SOX5: variants seen among roughly 807,000 people sequenced by gnomAD.
SOX5 encodes the protein SRY-box transcription factor 5.
Under a neutral mutation model 92.0 loss-of-function variants are expected in SOX5, and 9 were observed. That is an observed-to-expected ratio of 0.10 (90% confidence interval 0.06 to 0.17). The LOEUF is 0.17. Among genes scored for constraint, SOX5 ranks in the 10% least tolerant of loss-of-function variants. The probability of loss-of-function intolerance (pLI) is 1.00; values close to 1 mark genes in which losing one functional copy is unlikely to be tolerated. For missense variants in SOX5, 642 were observed against 944.5 expected, an observed-to-expected ratio of 0.68 and a Z score of 4.20; for synonymous variants, 344 against 336.3, an observed-to-expected ratio of 1.02 and a Z score of -0.25.
chr12:24,528,646 G>T (rs977636605), intron 1 of SOX5, among the ~76,000 whole-genome samples: 4 of 152,208 alleles, frequency 2.6e-5, no homozygotes, highest in African/African-American at 9.6e-5. Context: ...TATTGCGAGA[G>T]CGCAGAATCG....
chr12:24,333,219 T>G (rs976365347), intron 2 of SOX5, among the ~76,000 whole-genome samples: 3 of 151,752 alleles, frequency 2.0e-5, no homozygotes, highest in Non-Finnish European at 2.9e-5. Flanking sequence ...TTAATACTGA[T>G]GCTAAACTGG....
At chr12:24,533,899 G>A (rs1035670718) in intron 1 of SOX5, among the ~76,000 whole-genome samples, 12 of 152,188 alleles carry the variant, frequency 7.9e-5, no homozygotes, top group Admixed American at 2.6e-4. Flanking sequence ...AGTCGTTAGT[G>A]TGCACGCTGT....
chr12:23,562,313 C>T (rs1592091386), intron 11 of SOX5, among the ~76,000 whole-genome samples: 1 of 152,120 alleles, frequency 6.6e-6, no homozygotes, highest in Non-Finnish European at 1.5e-5. Flanking sequence ...CCATACATTT[C>T]ACCTTCCCTA....
chr12:24,486,073 C>T (rs1303301427), intron 1 of SOX5, among the ~76,000 whole-genome samples: 1 of 152,160 alleles, frequency 6.6e-6, no homozygotes, highest in Non-Finnish European at 1.5e-5. Context: ...CCACCTCAGT[C>T]TTCCAAGTAA....
At chr12:23,552,798 C>A (rs1944449306) in intron 11 of SOX5, among the ~76,000 whole-genome samples, 1 of 151,858 alleles carries the variant, frequency 6.6e-6, no homozygotes, top group South Asian at 2.1e-4. Context: ...CGACTACCTG[C>A]CTAGCATATT....
intron 4 of SOX5, among the ~76,000 whole-genome samples, chr12:23,970,517 T>C (rs1273044315): frequency 6.6e-6 from 1 of 152,036 alleles, no homozygotes. Flanking sequence ...GCCTATTATA[T>C]ATACATATTT....
At chr12:23,550,047 T>A (rs1943896433) in intron 11 of SOX5, among the ~76,000 whole-genome samples, 2 of 151,958 alleles carry the variant, frequency 1.3e-5, no homozygotes. Flanking sequence ...CTGTGACTTA[T>A]CCAGAGACTT....
intron 2 of SOX5, among the ~76,000 whole-genome samples, chr12:23,865,782 T>C (rs562554354): frequency 1.3e-5 from 2 of 152,354 alleles, no homozygotes; most frequent in African/African-American, 4.8e-5. Flanking sequence ...AAAGGTTTCA[T>C]CATTATAGAT....
chr12:23,819,763 T>G (rs1334406673), intron 3 of SOX5, among the ~76,000 whole-genome samples: 1 of 152,200 alleles, frequency 6.6e-6, no homozygotes, highest in Non-Finnish European at 1.5e-5. Flanking sequence ...GAACTCATTT[T>G]TCTTTTTTAC....
intron 6 of SOX5, among the ~76,000 whole-genome samples, chr12:23,729,033 C>CT (rs780984662): frequency 1.9e-3 from 274 of 144,206 alleles, no homozygotes; most frequent in African/African-American, 5.0e-3. Flanking sequence ...AAAGTATATT[C>CT]TTTTTTTTTT....
chr12:24,555,653 T>C (rs2139015668), intron 1 of SOX5, among the ~76,000 whole-genome samples: 2 of 152,256 alleles, frequency 1.3e-5, no homozygotes, highest in South Asian at 4.2e-4. Flanking sequence ...GATACTGCCA[T>C]TACACTCATT....
rs370005462 is a variant in SOX5 at position 23,836,768 on chromosome 12, T to A, written c.481+9215A>T. On this transcript the variant is annotated intron_variant, in intron 3 of 14. Coordinates refer to ENST00000451604, the MANE Select transcript of SOX5 (RefSeq NM_006940.6). Reference sequence around the variant, plus strand: ...TAATGAAATTTTCATCACAACCTGCTGTTCATTTTAATGGCCTTTGAAAAA... The same window carrying A: ...TAATGAAATTTTCATCACAACCTGCAGTTCATTTTAATGGCCTTTGAAAAA... 2.0e-5 allele frequency among the ~76,000 whole-genome samples: 3 copies of A among 151,976 alleles called. No individual in the cohort carries two copies. The East Asian group carries it at 5.8e-4, about 29-fold the overall frequency.
At chr12:23,736,819 T>C (rs983729106) in intron 5 of SOX5, among the ~76,000 whole-genome samples, 1 of 151,094 alleles carries the variant, frequency 6.6e-6, no homozygotes, top group Non-Finnish European at 1.5e-5. Context: ...GCCTCCCGAG[T>C]AGCTGAGATT....
chr12:24,377,406 C>G (rs1285603235), intron 1 of SOX5, among the ~76,000 whole-genome samples: 1 of 152,146 alleles, frequency 6.6e-6, no homozygotes, highest in African/African-American at 2.4e-5. Context: ...AAACAAAATT[C>G]TAGAATCACT....
chr12:24,251,899 C>T (rs1594812029), intron 3 of SOX5, among the ~76,000 whole-genome samples: 1 of 150,838 alleles, frequency 6.6e-6, no homozygotes, highest in Non-Finnish European at 1.5e-5. Context: ...ATTAATAAGA[C>T]AGTATATTTT....
intron 5 of SOX5, chr12:23,738,307 C>T (rs548924063): frequency 6.6e-6 from 1 of 152,314 alleles, no homozygotes; most frequent in African/African-American, 2.4e-5. Flanking sequence ...GAAGACGAAC[C>T]TGCCCTGACC....
At chr12:24,523,276 G>T (rs373937474) in intron 1 of SOX5, among the ~76,000 whole-genome samples, 10 of 152,164 alleles carry the variant, frequency 6.6e-5, no homozygotes, top group African/African-American at 2.4e-4. Context: ...CATGTTCATG[G>T]ATTAGAAGAA....
chr12:24,255,044 T>C (rs1940909272), intron 3 of SOX5, among the ~76,000 whole-genome samples: 2 of 152,110 alleles, frequency 1.3e-5, no homozygotes, highest in South Asian at 4.1e-4. Flanking sequence ...AAAAGAACGG[T>C]ACTGCCCTCT....
intron 6 of SOX5, among the ~76,000 whole-genome samples, chr12:23,688,912 G>A (rs1045189469): frequency 1.3e-5 from 2 of 152,080 alleles, no homozygotes; most frequent in African/African-American, 4.8e-5. Flanking sequence ...AAATAGATGA[G>A]AGTATATCCT....
Sources: allele counts gnomAD v4.1 joint callset (sites outside exome capture counted in the v4.1 genomes callset), GRCh38; gene constraint gnomAD v4.1.1; transcripts MANE v1.5; gene names NCBI Gene and HGNC (gene_info 2026-07-23, HGNC 2026-07-21).